PRIMPOL: variants seen among roughly 807,000 people sequenced by gnomAD.
PRIMPOL encodes the protein primase and DNA directed polymerase.
In PRIMPOL, 54 loss-of-function variants were observed where a neutral mutation model predicts 63.6. The ratio of observed to expected loss-of-function variants is 0.85; its 90% CI spans 0.68 to 1.07. The LOEUF is 1.07. Among genes scored for constraint, PRIMPOL ranks in the 50% least tolerant of loss-of-function variants. The pLI, the probability that PRIMPOL is intolerant of heterozygous loss-of-function variation, is 0.00. For synonymous variants in PRIMPOL, 197 were observed against 220.2 expected (o/e 0.89, Z 0.93); for missense variants, 610 against 648.3 (o/e 0.94, Z 0.64).
At chr4:184,693,198 A>C (rs528328152) in intron 13 of PRIMPOL, among the ~76,000 whole-genome samples, 1 of 152,328 alleles carries the variant, frequency 6.6e-6, no homozygotes, top group South Asian at 2.1e-4. Context: ...ACATAAAATA[A>C]CTGATAGCCA....
chr4:184,653,631 C>A (rs529867958), intron 2 of PRIMPOL, among the ~76,000 whole-genome samples: 1 of 151,658 alleles, frequency 6.6e-6, no homozygotes, highest in East Asian at 1.9e-4. Context: ...ATTACAGGTG[C>A]AAGCCACTGC....
At chr4:184,682,382 A>G in intron 9 of PRIMPOL, 46 bp downstream of exon 9, 1 of 1,050,694 alleles carries the variant, frequency 9.5e-7, no homozygotes, top group Non-Finnish European at 1.5e-6. Flanking sequence ...AGCATCTCTC[A>G]TTGTCACCCA....
chr4:184,657,889 AG>A (rs1251704760), intron 3 of PRIMPOL, among the ~76,000 whole-genome samples: 1 of 152,090 alleles, frequency 6.6e-6, no homozygotes, highest in Non-Finnish European at 1.5e-5. Context: ...GCTACTCCCA[AG>A]GCTGAGGCAG....
chr4:184,650,330 C>G (rs1359333405), intron 1 of PRIMPOL, among the ~76,000 whole-genome samples: 1 of 152,186 alleles, frequency 6.6e-6, no homozygotes, highest in Non-Finnish European at 1.5e-5. Flanking sequence ...GGAAAAGAAG[C>G]CTGGTTTGGG....
Position 184,694,173 on chromosome 4 carries a change from G to T in PRIMPOL, c.1426-349G>T, listed in dbSNP as rs73014837. 0.013 allele frequency: 13,064 copies of T among 1,012,280 alleles called. 1,204 individuals are homozygous for T. The African/African-American group carries it at 0.2, about 16-fold the overall frequency. The allele number at this position is 1,012,280 out of a possible 1,614,324, so 62.7% of individuals were successfully genotyped here. On this transcript the variant is annotated intron_variant, in intron 13 of 13. Coordinates refer to ENST00000314970, the MANE Select transcript of PRIMPOL (RefSeq NM_152683.4). Reference sequence around the variant, plus strand: ...TTAAAGCATGGGTACTAAGTCCATTGTCAAGATAGCAAATTTATCTTCTGA... The same window carrying T: ...TTAAAGCATGGGTACTAAGTCCATTTTCAAGATAGCAAATTTATCTTCTGA...
At chr4:184,692,540 A>G (rs1759001660) in intron 13 of PRIMPOL, among the ~76,000 whole-genome samples, 1 of 152,012 alleles carries the variant, frequency 6.6e-6, no homozygotes, top group Non-Finnish European at 1.5e-5. Context: ...GCAAAGAGGA[A>G]AGAATCTTCC....
rs374268046 is a variant in PRIMPOL at position 184,672,207 on chromosome 4, T to C, written c.591T>C (p.Leu197=). ...NFLRKILQPA[L]DLLGSEDDDS... ...TGAGAAAAATTTTGCAGCCTGCTCT[T>C]GACTTGCTTGGCAGTGAAGATGATG... is the stretch of plus-strand genomic sequence containing the variant. The change falls in exon 7 of 14, where the codon CTT becomes CTC. Residue 197 remains leucine (L), a synonymous_variant. Transcript: ENST00000314970. The C allele has an allele frequency of 1.9e-4, 309 of 1,610,910 alleles. No individual in the cohort carries two copies. The highest frequency in any genetic ancestry group is 2.5e-4 in the Non-Finnish European group (297 of 1,179,314).
At chr4:184,662,438 T>C (rs1432650393) in intron 5 of PRIMPOL, among the ~76,000 whole-genome samples, 1 of 152,182 alleles carries the variant, frequency 6.6e-6, no homozygotes, top group African/African-American at 2.4e-5. Context: ...TCTAAAAATA[T>C]AGTTACTATT....
intron 11 of PRIMPOL, among the ~76,000 whole-genome samples, chr4:184,687,830 G>A (rs1024669824): frequency 3.3e-5 from 5 of 152,054 alleles, no homozygotes; most frequent in African/African-American, 4.8e-5. Context: ...TGGTCTGGCT[G>A]GTCTCGAACT....
intron 1 of PRIMPOL, among the ~76,000 whole-genome samples, chr4:184,651,690 C>T (rs889133289): frequency 6.6e-6 from 1 of 152,150 alleles, no homozygotes; most frequent in African/African-American, 2.4e-5. Flanking sequence ...CCCTTGTTGC[C>T]CAGGCTGGAG....
intron 13 of PRIMPOL, among the ~76,000 whole-genome samples, chr4:184,694,000 CG>C (rs1308063224): frequency 1.3e-4 from 19 of 151,976 alleles, no homozygotes; most frequent in Non-Finnish European, 1.6e-4. Flanking sequence ...ATGTATTGGG[CG>C]GATCAACTAA....
intron 7 of PRIMPOL, among the ~76,000 whole-genome samples, chr4:184,676,385 TTTCCC>T (rs1753417862): frequency 2.7e-5 from 2 of 73,658 alleles, no homozygotes; most frequent in Admixed American, 1.3e-4. Context: ...CTTCCCTTCC[TTTCCC>T]TTCCCTTCCC....
chr4:184,667,081 C>T (rs1206911824), intron 6 of PRIMPOL, among the ~76,000 whole-genome samples: 2 of 152,146 alleles, frequency 1.3e-5, no homozygotes, highest in Admixed American at 6.5e-5. Flanking sequence ...GAGTAAAAGG[C>T]GTGGACATGG....
At chr4:184,671,318 G>A (rs1751551428) in intron 6 of PRIMPOL, among the ~76,000 whole-genome samples, 1 of 152,164 alleles carries the variant, frequency 6.6e-6, no homozygotes, top group Non-Finnish European at 1.5e-5. Flanking sequence ...GGCGTGTCGT[G>A]GCAGGTAAAG....
chr4:184,663,980 G>A (rs754639364), intron 5 of PRIMPOL, among the ~76,000 whole-genome samples: 3 of 152,136 alleles, frequency 2.0e-5, no homozygotes, highest in Non-Finnish European at 2.9e-5. Flanking sequence ...TGGTTCAGTG[G>A]CTAAACTGAC....
chr4:184,667,578 G>A (rs1231555525), intron 6 of PRIMPOL, among the ~76,000 whole-genome samples: 3 of 152,100 alleles, frequency 2.0e-5, no homozygotes, highest in Non-Finnish European at 4.4e-5. Flanking sequence ...CCAAAGTGCT[G>A]GGATTACAGG....
intron 2 of PRIMPOL, among the ~76,000 whole-genome samples, chr4:184,652,578 C>T (rs1744866189): frequency 6.6e-6 from 1 of 152,032 alleles, no homozygotes; most frequent in Non-Finnish European, 1.5e-5. Context: ...TGTTATTCAT[C>T]CAGAAAGTGA....
In PRIMPOL at chr4:184,678,405, G is replaced by A. The variant is rs1754675937; in HGVS notation, c.1007+11G>A. The stretch of plus-strand genomic sequence containing the variant: ...GGTCAGCAATGTCAGGTATGTAGTA[G>A]CAGCATCAAACCATTTTGTATTCAT... On this transcript the variant is annotated intron_variant, in intron 8 of 13. Coordinates refer to ENST00000314970, the MANE Select transcript of PRIMPOL (RefSeq NM_152683.4). The A allele has an allele frequency of 1.3e-6, 2 of 1,583,608 alleles. No homozygotes were observed. The highest frequency in any genetic ancestry group is 1.8e-5 in the Admixed American group (1 of 54,500).
intron 8 of PRIMPOL, among the ~76,000 whole-genome samples, chr4:184,681,790 T>C (rs573748377): frequency 6.6e-6 from 1 of 152,298 alleles, no homozygotes; most frequent in East Asian, 1.9e-4. Flanking sequence ...GCCAGGCTGG[T>C]CTCAAACTCC....
Sources: gnomAD v4.1 joint callset for allele counts (sites outside exome capture counted in the v4.1 genomes callset) on GRCh38, gnomAD v4.1.1 for gene constraint, MANE v1.5 for transcripts, NCBI Gene and HGNC (gene_info 2026-07-23, HGNC 2026-07-21) for gene names.